Variants in PSMD13 observed in about 807,000 individuals in gnomAD.
PSMD13 encodes proteasome 26S subunit, non-ATPase 13.
In PSMD13, 8 loss-of-function variants were observed where a neutral mutation model predicts 57.4. That is an observed-to-expected ratio of 0.14 (90% CI 0.08 to 0.25). The LOEUF is 0.25. Among genes scored for constraint, PSMD13 ranks in the 10% least tolerant of loss-of-function variants. PSMD13 has a pLI of 1.00. For synonymous variants in PSMD13, 193 were observed against 168.2 expected, an observed-to-expected ratio of 1.15 and a Z score of -1.14; for missense variants, 400 against 461.5, an observed-to-expected ratio of 0.87 and a Z score of 1.22.
chr11:248,104 A>AATCCCTGT (rs1183453347), intron 7 of PSMD13: 2 of 150,168 alleles, frequency 1.3e-5, no homozygotes, highest in African/African-American at 5.0e-5. Flanking sequence ...GGGCACGTGA[A>AATCCCTGT]ATCCCTGTAG....
chr11:252,283 C>T lies in PSMD13; in HGVS notation c.1036-222C>T, dbSNP rs6598056. The T allele has an allele frequency of 0.81, 446,677 of 553,526 alleles. 181,165 individuals are homozygous for T. The highest frequency in any genetic ancestry group is 0.92 in the African/African-American group (48,804 of 53,202). The allele number at this position is 553,526 out of a possible 1,614,324, so 34.3% of individuals were successfully genotyped here. A position where few individuals can be genotyped will look rare whatever the true frequency, so the allele number is the denominator to read the frequency against. On this transcript the variant is annotated intron_variant, in intron 12 of 12. Transcript: ENST00000532097. This position sits in a 1 kb window ranked among gnomAD's most constrained non-coding sequence, Gnocchi z 4.1. ...ATGCGATCCTGTGGATTTCCTCTGTCCTTGTCTGCTTTCTTTCATGCAAGT... is the reference window on the plus strand; with the variant it reads ...ATGCGATCCTGTGGATTTCCTCTGTTCTTGTCTGCTTTCTTTCATGCAAGT...
chr11:247,047 T>C (rs1218389574), intron 6 of PSMD13, among the ~76,000 whole-genome samples: 1 of 152,162 alleles, frequency 6.6e-6, no homozygotes, highest in East Asian at 1.9e-4. Context: ...TTCATCAGTC[T>C]TTGCCTTGGT....
At chr11:244,358 C>T (rs1859586678) in intron 4 of PSMD13, 68 bp from the exon 5 acceptor site, 6 of 1,582,274 alleles carry the variant, frequency 3.8e-6, no homozygotes, top group African/African-American at 1.4e-5. Flanking sequence ...GATTACCCTA[C>T]CTAAGGGTGT....
chr11:237,019 G>T lies in PSMD13; in HGVS notation c.-31G>T. On this transcript the variant is annotated 5_prime_UTR_variant, in exon 1 of 13. Transcript: ENST00000532097. ...TCCCCGCGGTGCTGACATCCCGGTT[G>T]TTCTTCTGTGCCGGGGGTCTTCCTG... 2.6e-6 allele frequency: 4 copies of T among 1,564,324 alleles called. No individual in the cohort carries two copies. Among genetic ancestry groups the T allele is most frequent in the Non-Finnish European group, 3.5e-6 (4 of 1,135,538 alleles).
Position 252,703 on chromosome 11 carries a change from G to A in PSMD13, c.*103G>A. 1.8e-6 allele frequency: 2 copies of A among 1,095,528 alleles called. No individual in the cohort carries two copies. The highest frequency in any genetic ancestry group is 2.7e-6 in the Non-Finnish European group (2 of 730,082). The allele number at this position is 1,095,528 out of a possible 1,614,324, so 67.9% of individuals were successfully genotyped here. ...ACGGTCGACATTGAATTTGGGTGGG[G>A]GTTGGGATCCTGTCTGAAGTACAGA... On this transcript the variant is annotated 3_prime_UTR_variant, in exon 13 of 13. Transcript: ENST00000532097. This position sits in a 1 kb window ranked among gnomAD's most constrained non-coding sequence, Gnocchi z 4.1.
At chr11:240,773 C>A (rs1259069885) in intron 2 of PSMD13, among the ~76,000 whole-genome samples, 1 of 152,156 alleles carries the variant, frequency 6.6e-6, no homozygotes, top group Non-Finnish European at 1.5e-5. Context: ...ACATTTCCTT[C>A]TAATAAGGAA....
At chr11:238,301 C>G (rs1859419918) in intron 1 of PSMD13, among the ~76,000 whole-genome samples, 1 of 152,150 alleles carries the variant, frequency 6.6e-6, no homozygotes, top group African/African-American at 2.4e-5. Context: ...CCAGTGAAAC[C>G]TCACAATAAC....
chr11:248,886 CGA>C lies in PSMD13; in HGVS notation c.648+38_649-38del, dbSNP rs778461825. 2.5e-6 allele frequency: 4 copies of C among 1,614,084 alleles called. No homozygotes were observed. In the East Asian group the frequency reaches 6.7e-5, roughly 27 times the overall value. On this transcript the variant is annotated intron_variant, in intron 8 of 12. Transcript: ENST00000532097. ...TTGACCCTGAGCTCAGCTTCCTTAA[CGA>C]GAGAGACTAAAGTGTTACTAGCTGA...
Position 252,704 on chromosome 11 carries a change from G to T in PSMD13, c.*104G>T. On this transcript the variant is annotated 3_prime_UTR_variant, in exon 13 of 13. Coordinates refer to ENST00000532097, the MANE Select transcript of PSMD13 (RefSeq NM_002817.4). This position sits in a 1 kb window ranked among gnomAD's most constrained non-coding sequence, Gnocchi z 4.1. Reference sequence around the variant, plus strand: ...CGGTCGACATTGAATTTGGGTGGGGGTTGGGATCCTGTCTGAAGTACAGAC... The same window carrying T: ...CGGTCGACATTGAATTTGGGTGGGGTTTGGGATCCTGTCTGAAGTACAGAC... 1 of 1,070,278 alleles carries T rather than the reference G, an allele frequency of 9.3e-7. No homozygotes were observed. The allele number at this position is 1,070,278 out of a possible 1,614,324, so 66.3% of individuals were successfully genotyped here.
intron 7 of PSMD13, 100 bp downstream of exon 7, chr11:247,548 G>A (rs1208270173): frequency 5.8e-6 from 8 of 1,377,598 alleles, no homozygotes; most frequent in African/African-American, 4.3e-5. Flanking sequence ...TTACTAAGGT[G>A]GGGCTGGGCA....
intron 2 of PSMD13, chr11:243,190 G>A: frequency 1.6e-6 from 1 of 618,918 alleles, no homozygotes; most frequent in South Asian, 1.4e-5. Context: ...TTTTAATTTA[G>A]GTATCATTTA....
chr11:237,093 G>A lies in PSMD13; in HGVS notation c.44G>A (p.Gly15Glu). ...PGFLQQSQNS[G>E]PGQPAVWHRL... ...TTCCTACAGCAGAGCCAGAACTCCG[G>A]GCCCGGGCAGCCCGCTGTGTGGCAC... The change falls in exon 1 of 13, where the codon GGG becomes GAG. Residue 15 changes from glycine to glutamate, a missense_variant. Coordinates refer to ENST00000532097, the MANE Select transcript of PSMD13 (RefSeq NM_002817.4). 1 of 1,613,828 alleles carries A rather than the reference G, an allele frequency of 6.2e-7. No individual in the cohort carries two copies. Among genetic ancestry groups the A allele is most frequent in the Non-Finnish European group, 8.5e-7 (1 of 1,179,834 alleles).
At chr11:244,516 G>A in intron 5 of PSMD13, 47 bp downstream of exon 5, 3 of 1,569,486 alleles carry the variant, frequency 1.9e-6, no homozygotes, top group African/African-American at 1.4e-5. Flanking sequence ...TTTAGAGTAT[G>A]TATGACTTAA....
Position 248,935 on chromosome 11 carries a change from A to G in PSMD13, c.652A>G (p.Met218Val), listed in dbSNP as rs146649608. Residue 218 changes from methionine (M) to valine (V), a missense_variant, in exon 9 of 13, where the codon ATG becomes GTG. By Grantham distance (21) the Met-to-Val change is conservative. Coordinates refer to ENST00000532097, the MANE Select transcript of PSMD13 (RefSeq NM_002817.4). ...EGVFNFGELL[M>V]HPVLESLRNT... ...CTGACCATCTCCATCCTCACAGCTC[A>G]TGCACCCTGTGCTGGAGTCCCTGAG... The G allele has an allele frequency of 6.8e-5, 110 of 1,613,422 alleles. No homozygotes were observed. Among genetic ancestry groups the G allele is most frequent in the Non-Finnish European group, 8.9e-5 (105 of 1,179,462 alleles).
At position 252,885 on chromosome 11, in the gene PSMD13, T is replaced by C; in HGVS notation, c.*285T>C. 2.7e-6 allele frequency: 1 copy of C among 364,382 alleles called. No individual in the cohort carries two copies. Among genetic ancestry groups the C allele is most frequent in the South Asian group, 3.9e-5 (1 of 25,570 alleles). 22.6% of individuals were successfully genotyped at this position (364,382 alleles called of 1,614,324 possible). A position where few individuals can be genotyped will look rare whatever the true frequency, so the allele number is the denominator to read the frequency against. On this transcript the variant is annotated 3_prime_UTR_variant, in exon 13 of 13. Coordinates refer to ENST00000532097, the MANE Select transcript of PSMD13 (RefSeq NM_002817.4). The surrounding 1 kb of genome is among the most constrained non-coding windows in gnomAD (Gnocchi z 4.1). ...CAGGCAGGAGGCCCCCTGAAGTCTG[T>C]GTACTCCGAGGTGGATCTCCATCCC...
intron 2 of PSMD13, among the ~76,000 whole-genome samples, chr11:240,009 A>G (rs1859479075): frequency 1.3e-5 from 2 of 148,620 alleles, no homozygotes; most frequent in Non-Finnish European, 3.0e-5. Context: ...ACATTTTACT[A>G]TTCAGAGGAA....
At chr11:240,483 C>T (rs2133983506) in intron 2 of PSMD13, among the ~76,000 whole-genome samples, 1 of 152,354 alleles carries the variant, frequency 6.6e-6, no homozygotes, top group East Asian at 1.9e-4. Context: ...TTGTTTATCT[C>T]TGTCCTTTGG....
chr11:251,550 C>G lies in PSMD13; in HGVS notation c.842C>G (p.Thr281Ser), dbSNP rs766051485. The G allele has an allele frequency of 1.2e-6, 2 of 1,612,116 alleles. No homozygotes were observed. The highest frequency in any genetic ancestry group is 2.7e-5 in the African/African-American group (2 of 74,814). The change falls in exon 11 of 13, where the codon ACT becomes AGT. Residue 281 changes from threonine (T) to serine (S), a missense_variant. Coordinates refer to ENST00000532097, the MANE Select transcript of PSMD13 (RefSeq NM_002817.4). This position sits in a 1 kb window ranked among gnomAD's most constrained non-coding sequence, Gnocchi z 4.6. ...KIQLLCLMEM[T>S]FTRPANHRQL... ...AGTTAATAAAATTTTTTCCAGATGA[C>G]TTTCACACGACCTGCCAATCACAGA...
chr11:246,809 T>C (rs925836463), intron 6 of PSMD13, among the ~76,000 whole-genome samples: 1 of 152,208 alleles, frequency 6.6e-6, no homozygotes, highest in Non-Finnish European at 1.5e-5. Context: ...AGTGGTTTAT[T>C]GGCCATTCTG....
Sources: gnomAD v4.1 joint callset for allele counts (sites outside exome capture counted in the v4.1 genomes callset) on GRCh38, gnomAD v4.1.1 for gene constraint, Gnocchi (gnomAD v3.1) non-coding constraint, MANE v1.5 for transcripts, NCBI Gene and HGNC (gene_info 2026-07-23, HGNC 2026-07-21) for gene names.